Variants in RAB11A observed in about 807,000 individuals in gnomAD.
RAB11A encodes ras-related protein Rab-11A.
A neutral mutation model predicts 28.0 loss-of-function variants in RAB11A; 9 were observed. The observed-to-expected ratio is 0.32, with a 90% CI of 0.19 to 0.56. RAB11A has a LOEUF of 0.56. Ranked by LOEUF, RAB11A falls within the 20% of genes least tolerant of loss-of-function variation. The pLI is 0.91. For synonymous variants in RAB11A, 85 were observed against 88.2 expected, an observed-to-expected ratio of 0.96 and a Z score of 0.20; for missense variants, 108 against 269.6, an observed-to-expected ratio of 0.40 and a Z score of 4.20.
intron 1 of RAB11A, among the ~76,000 whole-genome samples, chr15:65,870,514 G>T (rs1220827006): frequency 6.6e-6 from 1 of 152,184 alleles, no homozygotes; most frequent in African/African-American, 2.4e-5. Context: ...CTCTTTACTC[G>T]GTTCGCGAGA....
intron 4 of RAB11A, among the ~76,000 whole-genome samples, chr15:65,885,482 A>G (rs2078250744): frequency 1.3e-5 from 2 of 152,170 alleles, no homozygotes; most frequent in Non-Finnish European, 2.9e-5. Flanking sequence ...TATACTAATA[A>G]TGTCCTTTGT....
At chr15:65,873,981 A>T (rs1015600442) in intron 1 of RAB11A, among the ~76,000 whole-genome samples, 1 of 152,194 alleles carries the variant, frequency 6.6e-6, no homozygotes, top group Non-Finnish European at 1.5e-5. Context: ...TGAAAACTAG[A>T]ATGAAAATTA....
chr15:65,871,687 A>G (rs1302346520), intron 1 of RAB11A, among the ~76,000 whole-genome samples: 1 of 152,144 alleles, frequency 6.6e-6, no homozygotes, highest in Non-Finnish European at 1.5e-5. Flanking sequence ...AATTGAGAGC[A>G]CTGAGCTTTG....
rs541605134 is a variant in RAB11A, at chr15:65,873,559, A to C, written c.41-3773A>C. ...ATTATATCTATATCTATATCTATAT[A>C]TATATATTTTTTGAGGCAGGGTCTC... is the stretch of plus-strand genomic sequence containing the variant. On this transcript the variant is annotated intron_variant, in intron 1 of 4. Coordinates refer to ENST00000261890, the MANE Select transcript of RAB11A (RefSeq NM_004663.5). Among the ~76,000 whole-genome samples the C allele has an allele frequency of 1.8e-3, 267 of 151,708 alleles. 3 individuals carry two copies. The highest frequency in any genetic ancestry group is 6.8e-3 in the Middle Eastern group (2 of 294).
intron 4 of RAB11A, 98 bp downstream of exon 4, chr15:65,879,849 A>G (rs1478569803): frequency 2.2e-6 from 2 of 909,798 alleles, no homozygotes; most frequent in Non-Finnish European, 3.3e-6. Flanking sequence ...ATCAGCCGAG[A>G]GTGACTATCA....
At chr15:65,887,178 T>C (rs1414482265) in intron 4 of RAB11A, among the ~76,000 whole-genome samples, 1 of 110,282 alleles carries the variant, frequency 9.1e-6, no homozygotes, top group South Asian at 4.1e-4. Context: ...GGCTTACCTC[T>C]TTTTTTTTTT....
chr15:65,888,634 G>A lies in RAB11A; in HGVS notation c.*794G>A, dbSNP rs1471909459. On this transcript the variant is annotated 3_prime_UTR_variant, in exon 5 of 5. Transcript: ENST00000261890. ...TTAAATGATCTATAATAATTTCCAA[G>A]CGGTAGATTATGTGGCATTTTATTG... 1 of 152,464 alleles carries A rather than the reference G, an allele frequency of 6.6e-6. No homozygotes were observed. Among genetic ancestry groups the A allele is most frequent in the Non-Finnish European group, 1.5e-5 (1 of 68,026 alleles). 9.4% of individuals were successfully genotyped at this position (152,464 alleles called of 1,614,324 possible). A position where few individuals can be genotyped will look rare whatever the true frequency, so the allele number is the denominator to read the frequency against.
Position 65,877,006 on chromosome 15 carries a change from C to T in RAB11A, c.41-326C>T, listed in dbSNP as rs28688081. 0.18 allele frequency among the ~76,000 whole-genome samples: 27,115 copies of T among 152,108 alleles called. 2,578 individuals are homozygous for T. Among genetic ancestry groups the T allele is most frequent in the African/African-American group, 0.2 (8,351 of 41,476 alleles). ...AGTAGTAAGATTGGCATAGCATTGA[C>T]GGTAATTAATGCCTGTCATCAATGC... On this transcript the variant is annotated intron_variant, in intron 1 of 4. Coordinates refer to ENST00000261890, the MANE Select transcript of RAB11A (RefSeq NM_004663.5). The surrounding 1 kb of genome is among the most constrained non-coding windows in gnomAD (Gnocchi z 4.1).
Position 65,891,868 on chromosome 15 carries a change from G to A in RAB11A, c.*4028G>A, listed in dbSNP as rs554019127. On this transcript the variant is annotated 3_prime_UTR_variant, in exon 5 of 5. Transcript: ENST00000261890. ...GCTAAGGGAGAGGAGCACTTGATGGGCTGCTATGTTAACTGTAAATTGAGA... is the reference window on the plus strand; with the variant it reads ...GCTAAGGGAGAGGAGCACTTGATGGACTGCTATGTTAACTGTAAATTGAGA... The A allele has an allele frequency of 6.6e-6, 1 of 152,162 alleles. No homozygotes were observed. The highest frequency in any genetic ancestry group is 2.1e-4 in the South Asian group (1 of 4,816). 9.4% of individuals were successfully genotyped at this position (152,162 alleles called of 1,614,324 possible).
chr15:65,887,759 T>G lies in RAB11A; in HGVS notation c.570T>G (p.Ser190=), dbSNP rs757022990. ...CAGACAGACGCGAAAATGACATGTC[T>G]CCAAGCAACAATGTGGTTCCTATTC... ...QMSDRRENDM[S]PSNNVVPIHV... The change falls in exon 5 of 5, where the codon TCT becomes TCG. Residue 190 remains serine, a synonymous_variant. Transcript: ENST00000261890. 6.2e-7 allele frequency: 1 copy of G among 1,613,800 alleles called. No homozygotes were observed. Among genetic ancestry groups the G allele is most frequent in the Admixed American group, 1.7e-5 (1 of 59,962 alleles).
intron 4 of RAB11A, among the ~76,000 whole-genome samples, chr15:65,883,211 C>T (rs1233974849): frequency 6.6e-6 from 1 of 152,278 alleles, no homozygotes; most frequent in Non-Finnish European, 1.5e-5. Context: ...TCCAATAATA[C>T]CCTTATTAGC....
At chr15:65,870,630 A>G (rs1310319587) in intron 1 of RAB11A, among the ~76,000 whole-genome samples, 1 of 152,156 alleles carries the variant, frequency 6.6e-6, no homozygotes, top group African/African-American at 2.4e-5. Context: ...CTTTATCTCT[A>G]TGAACTGGTT....
At chr15:65,881,434 A>G (rs962079079) in intron 4 of RAB11A, among the ~76,000 whole-genome samples, 1 of 152,190 alleles carries the variant, frequency 6.6e-6, no homozygotes, top group Non-Finnish European at 1.5e-5. Flanking sequence ...AAAACATGTG[A>G]ATTAAATTAC....
intron 1 of RAB11A, among the ~76,000 whole-genome samples, chr15:65,871,475 T>C (rs993891021): frequency 6.6e-6 from 1 of 152,206 alleles, no homozygotes; most frequent in African/African-American, 2.4e-5. Context: ...TGAAATATGG[T>C]ATAATGGTAG....
chr15:65,891,513 A>G lies in RAB11A; in HGVS notation c.*3673A>G, dbSNP rs2078296154. 1 of 152,320 alleles carries G rather than the reference A, an allele frequency of 6.6e-6. No homozygotes were observed. The highest frequency in any genetic ancestry group is 6.5e-5 in the Admixed American group (1 of 15,292). The allele number at this position is 152,320 out of a possible 1,614,324, so 9.4% of individuals were successfully genotyped here. On this transcript the variant is annotated 3_prime_UTR_variant, in exon 5 of 5. Transcript: ENST00000261890. ...TAGTCATGGCTCTTGTGGTCATTTC[A>G]TTTTTGAGCCTCACATTCTTCCAAT...
At chr15:65,870,509 T>G (rs1274675795) in intron 1 of RAB11A, among the ~76,000 whole-genome samples, 1 of 152,258 alleles carries the variant, frequency 6.6e-6, no homozygotes, top group Admixed American at 6.5e-5. Flanking sequence ...GATAACTCTT[T>G]ACTCGGTTCG....
Position 65,877,748 on chromosome 15 carries a change from G to T in RAB11A, c.237-14G>T, listed in dbSNP as rs764384833. ...CTTGTGGTTTTCTGATACTAAATAT[G>T]TTTCTGTTTTCAGATATTATCGTGG... On this transcript the variant is annotated splice_polypyrimidine_tract_variant and intron_variant, in intron 2 of 4. Coordinates refer to ENST00000261890, the MANE Select transcript of RAB11A (RefSeq NM_004663.5). This position sits in a 1 kb window ranked among gnomAD's most constrained non-coding sequence, Gnocchi z 4.1. The T allele has an allele frequency of 2.6e-6, 4 of 1,561,000 alleles. No homozygotes were observed. The highest frequency in any genetic ancestry group is 3.5e-6 in the Non-Finnish European group (4 of 1,144,240).
At chr15:65,873,597 A>G (rs2078176171) in intron 1 of RAB11A, among the ~76,000 whole-genome samples, 1 of 152,034 alleles carries the variant, frequency 6.6e-6, no homozygotes, top group Non-Finnish European at 1.5e-5. Context: ...TCTGTTGCCC[A>G]GTCTGGAGTG....
chr15:65,878,583 G>A (rs2141104200), intron 3 of RAB11A, among the ~76,000 whole-genome samples: 1 of 152,318 alleles, frequency 6.6e-6, no homozygotes, highest in East Asian at 1.9e-4. Flanking sequence ...GGAGGCTGAG[G>A]CAGGAGAATG....
Sources: gnomAD v4.1 joint callset for allele counts (sites outside exome capture counted in the v4.1 genomes callset) on GRCh38, gnomAD v4.1.1 for gene constraint, Gnocchi (gnomAD v3.1) non-coding constraint, MANE v1.5 for transcripts, NCBI Gene and HGNC (gene_info 2026-07-23, HGNC 2026-07-21) for gene names.